Variants in NUDT21 observed in about 807,000 individuals in gnomAD.
NUDT21 encodes nudix hydrolase 21.
NUDT21 carries 5 observed loss-of-function variants against 29.8 expected under a neutral mutation model. The observed-to-expected ratio is 0.17, with a 90% CI of 0.09 to 0.35. The LOEUF (loss-of-function observed/expected upper bound fraction) is 0.35, where lower values mean the gene tolerates loss of function less well. NUDT21 is among the 10% of genes least tolerant of loss of function. NUDT21 has a pLI of 1.00. For synonymous variants in NUDT21, 113 were observed against 98.5 expected, an observed-to-expected ratio of 1.15 and a Z score of -0.87; for missense variants, 76 against 276.0, an observed-to-expected ratio of 0.28 and a Z score of 5.13.
chr16:56,446,606 G>C lies in NUDT21; in HGVS notation c.381+20C>G, dbSNP rs1962223138. 3 of 1,489,934 alleles carry C rather than the reference G, an allele frequency of 2.0e-6. No homozygotes were observed. Among genetic ancestry groups the C allele is most frequent in the Non-Finnish European group, 2.8e-6 (3 of 1,078,556 alleles). The allele number at this position is 1,489,934 out of a possible 1,614,324, so 92.3% of individuals were successfully genotyped here. A position where few individuals can be genotyped will look rare whatever the true frequency, so the allele number is the denominator to read the frequency against. ...AACTAGTAAGTTGATGGTATTCAAA[G>C]TGGTTAAACAGAAAAATACCTCTGT... is the stretch of plus-strand genomic sequence containing the variant. On this transcript the variant is annotated intron_variant, in intron 3 of 6. Transcript: ENST00000300291.
At chr16:56,444,930 T>A (rs1962201710) in intron 3 of NUDT21, among the ~76,000 whole-genome samples, 1 of 152,172 alleles carries the variant, frequency 6.6e-6, no homozygotes, top group South Asian at 2.1e-4. Context: ...ATGCCTGTAA[T>A]CCCAGCACTT....
Position 56,430,132 on chromosome 16 carries a change from TA to T in NUDT21, c.*2579del, listed in dbSNP as rs777233024. Reference sequence around the variant, plus strand: ...CTATTTATAAGACAATAAAAAGTTTTAAAATCTTCCAAATGTGCTGTTAACA... The same window carrying T: ...CTATTTATAAGACAATAAAAAGTTTTAAATCTTCCAAATGTGCTGTTAACA... On this transcript the variant is annotated 3_prime_UTR_variant, in exon 7 of 7. Coordinates refer to ENST00000300291, the MANE Select transcript of NUDT21 (RefSeq NM_007006.3). 6.6e-6 allele frequency: 1 copy of T among 152,220 alleles called. No homozygotes were observed. Among genetic ancestry groups the T allele is most frequent in the Non-Finnish European group, 1.5e-5 (1 of 68,028 alleles). 9.4% of individuals were successfully genotyped at this position (152,220 alleles called of 1,614,324 possible). A position where few individuals can be genotyped will look rare whatever the true frequency, so the allele number is the denominator to read the frequency against.
At chr16:56,434,492 G>T in intron 5 of NUDT21, 47 bp from the exon 6 acceptor site, 2 of 1,057,504 alleles carry the variant, frequency 1.9e-6, no homozygotes, top group Non-Finnish European at 2.9e-6. Flanking sequence ...TATAATCACT[G>T]CTTCCATTTC....
At chr16:56,443,302 G>A (rs563352083) in intron 3 of NUDT21, among the ~76,000 whole-genome samples, 10 of 151,742 alleles carry the variant, frequency 6.6e-5, no homozygotes, top group African/African-American at 2.2e-4. Context: ...TCAGCCTCCC[G>A]AGTAGCTGGG....
intron 4 of NUDT21, among the ~76,000 whole-genome samples, chr16:56,437,976 A>C (rs1354813238): frequency 6.6e-6 from 1 of 152,194 alleles, no homozygotes; most frequent in African/African-American, 2.4e-5. Context: ...GAATTCATAG[A>C]CCAGGAAATG....
In NUDT21 at chr16:56,434,400, A is replaced by C; in HGVS notation, c.593T>G (p.Leu198Trp). 6.2e-7 allele frequency: 1 copy of C among 1,613,856 alleles called. No homozygotes were observed. The change falls in exon 6 of 7, where the codon TTG becomes TGG. Residue 198 changes from leucine (L) to tryptophan (W), a missense_variant. By Grantham distance (61) the Leu-to-Trp change is moderately conservative (BLOSUM62 -2). Coordinates refer to ENST00000300291, the MANE Select transcript of NUDT21 (RefSeq NM_007006.3). ...TGGTGCATTGTCATACAATTCAAAC[A>C]ATGGTGCAGCTACCAGCTTGTAATT... is the stretch of plus-strand genomic sequence containing the variant. ...PKNYKLVAAPLFELYDNAPGY... is the reference protein window; with the variant it reads ...PKNYKLVAAPWFELYDNAPGY...
At chr16:56,438,215 T>C (rs1237993710) in intron 4 of NUDT21, among the ~76,000 whole-genome samples, 1 of 152,162 alleles carries the variant, frequency 6.6e-6, no homozygotes, top group African/African-American at 2.4e-5. Flanking sequence ...AAGATTAGGT[T>C]ATCACAGACT....
At chr16:56,440,276 CCA>C (rs1249469860) in intron 3 of NUDT21, among the ~76,000 whole-genome samples, 8 of 152,210 alleles carry the variant, frequency 5.3e-5, no homozygotes, top group South Asian at 2.1e-4. Context: ...CTCATATACC[CCA>C]CACAGTTTCC....
chr16:56,439,420 C>T (rs1165310157), intron 4 of NUDT21: 6 of 426,046 alleles, frequency 1.4e-5, no homozygotes, highest in African/African-American at 6.1e-5. Flanking sequence ...AGGTGATCCA[C>T]CCGCCTCGGC....
At position 56,432,384 on chromosome 16, in the gene NUDT21, A is replaced by G. The variant is rs1216998427; in HGVS notation, c.*328T>C. On this transcript the variant is annotated 3_prime_UTR_variant, in exon 7 of 7. Coordinates refer to ENST00000300291, the MANE Select transcript of NUDT21 (RefSeq NM_007006.3). The stretch of plus-strand genomic sequence containing the variant: ...AACCTGTCATTGTGTTGCAACATTC[A>G]CCATCCTAAGGTGGGGGGAAAAATG... 4.6e-6 allele frequency: 1 copy of G among 215,730 alleles called. No individual in the cohort carries two copies. The highest frequency in any genetic ancestry group is 1.0e-4 in the East Asian group (1 of 10,026). The allele number at this position is 215,730 out of a possible 1,614,324, so 13.4% of individuals were successfully genotyped here. A position where few individuals can be genotyped will look rare whatever the true frequency, so the allele number is the denominator to read the frequency against.
At chr16:56,436,325 C>G (rs770367126) in intron 4 of NUDT21, among the ~76,000 whole-genome samples, 1 of 152,152 alleles carries the variant, frequency 6.6e-6, no homozygotes, top group African/African-American at 2.4e-5. Flanking sequence ...CTAAGAGAGG[C>G]TAAGTATCTT....
At chr16:56,440,478 G>C (rs374717013) in intron 3 of NUDT21, among the ~76,000 whole-genome samples, 2 of 152,090 alleles carry the variant, frequency 1.3e-5, no homozygotes, top group African/African-American at 4.8e-5. Context: ...CATTTCTTCC[G>C]AGGTTCCTCT....
rs1395107992 is a variant in NUDT21 at position 56,431,413 on chromosome 16, T to G, written c.*1299A>C. On this transcript the variant is annotated 3_prime_UTR_variant, in exon 7 of 7. Coordinates refer to ENST00000300291, the MANE Select transcript of NUDT21 (RefSeq NM_007006.3). ...TGACATGACCCCAACTAAAAAAACT[T>G]GAGTGTTTATTAATTGCTCAGCTAC... The G allele has an allele frequency of 1.3e-5, 2 of 152,184 alleles. No homozygotes were observed. The highest frequency in any genetic ancestry group is 2.9e-5 in the Non-Finnish European group (2 of 68,048). 9.4% of individuals were successfully genotyped at this position (152,184 alleles called of 1,614,324 possible).
chr16:56,439,927 G>A (rs1567538862), intron 3 of NUDT21, among the ~76,000 whole-genome samples, 181 bp from the exon 4 acceptor site: 1 of 152,168 alleles, frequency 6.6e-6, no homozygotes, highest in Non-Finnish European at 1.5e-5. Context: ...TACAATATTA[G>A]TTCAAAACTG....
chr16:56,446,079 C>T (rs1265205468), intron 3 of NUDT21, among the ~76,000 whole-genome samples: 1 of 152,142 alleles, frequency 6.6e-6, no homozygotes, highest in East Asian at 1.9e-4. Flanking sequence ...ATCTCAAAAT[C>T]CTCAGTATCT....
intron 2 of NUDT21, 83 bp downstream of exon 2, chr16:56,447,706 G>A (rs1032329931): frequency 8.2e-7 from 1 of 1,226,276 alleles, no homozygotes; most frequent in Admixed American, 1.8e-5. Flanking sequence ...ATGAATGACC[G>A]AGGGCTAAAA....
chr16:56,435,786 A>G (rs1373851549), intron 4 of NUDT21, among the ~76,000 whole-genome samples: 11 of 24,512 alleles, frequency 4.5e-4, no homozygotes, highest in Non-Finnish European at 7.1e-4. Flanking sequence ...TATATATATG[A>G]TCAGTAAGTT....
chr16:56,437,394 G>A (rs746468848), intron 4 of NUDT21, among the ~76,000 whole-genome samples: 6 of 152,126 alleles, frequency 3.9e-5, no homozygotes, highest in Admixed American at 6.5e-5. Flanking sequence ...CATTATCATG[G>A]ATTAAAATAT....
chr16:56,451,023 C>G, intron 1 of NUDT21, 64 bp downstream of exon 1: 1 of 1,374,366 alleles, frequency 7.3e-7, no homozygotes, highest in Non-Finnish European at 1.0e-6. Context: ...AAGCCGGGGG[C>G]GCGTCGGAGA....
Sources: allele counts gnomAD v4.1 joint callset (sites outside exome capture counted in the v4.1 genomes callset), GRCh38; gene constraint gnomAD v4.1.1; transcripts MANE v1.5; gene names NCBI Gene and HGNC (gene_info 2026-07-23, HGNC 2026-07-21).